Variants in SLC44A5 observed in about 807,000 individuals in gnomAD.
SLC44A5 encodes choline transporter-like protein 5.
In SLC44A5, 57 loss-of-function variants were observed where a neutral mutation model predicts 101.8. The observed-to-expected ratio is 0.56, with a 90% CI of 0.45 to 0.70. SLC44A5 has a LOEUF of 0.70. SLC44A5 is among the 30% of genes least tolerant of loss of function. The probability of loss-of-function intolerance (pLI) is 0.00; values close to 1 mark genes in which losing one functional copy is unlikely to be tolerated. For missense variants in SLC44A5, 737 were observed against 853.1 expected, an observed-to-expected ratio of 0.86 and a Z score of 1.70; for synonymous variants, 281 against 290.9, an observed-to-expected ratio of 0.97 and a Z score of 0.35.
In SLC44A5 at chr1:75,218,666, C is replaced by G; in HGVS notation, c.1353G>C (p.Gln451His). ...TGTATACATGGAAGGTAGGGATGTA[C>G]TGATGGTACAAGCTCTTTCCACCAT... ...AFYGGKSLYH[Q>H]YIPTFHVYNL... The change falls in exon 17 of 24, where the codon CAG becomes CAC. Residue 451 changes from glutamine (Q) to histidine (H), a missense_variant. This residue lies in a region of SLC44A5 where 665 missense variants were observed against 764.4 expected (regional missense o/e 0.87). Coordinates refer to ENST00000370859, the MANE Select transcript of SLC44A5 (RefSeq NM_001130058.2). 1 of 1,613,750 alleles carries G rather than the reference C, an allele frequency of 6.2e-7. No individual in the cohort carries two copies.
intron 5 of SLC44A5, among the ~76,000 whole-genome samples, chr1:75,284,545 A>C (rs1186838303): frequency 1.3e-5 from 2 of 152,004 alleles, no homozygotes; most frequent in Non-Finnish European, 2.9e-5. Flanking sequence ...CTAGTACTAC[A>C]TTGAATAGAA....
chr1:75,320,283 A>G (rs1656040329), intron 4 of SLC44A5, among the ~76,000 whole-genome samples: 1 of 152,152 alleles, frequency 6.6e-6, no homozygotes, highest in Non-Finnish European at 1.5e-5. Context: ...AATCCATAAA[A>G]GCAATCAAAG....
intron 2 of SLC44A5, among the ~76,000 whole-genome samples, chr1:75,492,424 G>A (rs1029293282): frequency 6.6e-6 from 1 of 151,702 alleles, no homozygotes; most frequent in Non-Finnish European, 1.5e-5. Context: ...GACAATATCT[G>A]GCAAAAAGGA....
At chr1:75,676,510 A>G in the SLC44A5 span, among the ~76,000 whole-genome samples, 1 of 152,128 alleles carries the variant, frequency 6.6e-6, no homozygotes, top group Non-Finnish European at 1.5e-5. Flanking sequence ...ATAGAAACAT[A>G]GGGTGGAGAA....
chr1:75,284,027 G>A (rs559861170), intron 5 of SLC44A5, among the ~76,000 whole-genome samples: 5 of 151,904 alleles, frequency 3.3e-5, no homozygotes, highest in South Asian at 2.1e-4. Flanking sequence ...TTGTTTTTTC[G>A]ACTTCTGTGA....
intron 2 of SLC44A5, among the ~76,000 whole-genome samples, chr1:75,449,315 A>T (rs1417329998): frequency 6.6e-6 from 1 of 152,204 alleles, no homozygotes; most frequent in African/African-American, 2.4e-5. Context: ...AGCTTTAGAC[A>T]TTCATGAGAC....
At chr1:75,387,350 A>T (rs1364217047) in intron 3 of SLC44A5, among the ~76,000 whole-genome samples, 1 of 139,404 alleles carries the variant, frequency 7.2e-6, no homozygotes, top group South Asian at 2.5e-4. Context: ...CAATGAACTC[A>T]AACAAATTTA....
the SLC44A5 span, among the ~76,000 whole-genome samples, chr1:75,622,729 T>C: frequency 2.0e-5 from 3 of 152,114 alleles, no homozygotes; most frequent in Non-Finnish European, 2.9e-5. Context: ...ACAACTAGAA[T>C]TGGTTTCTTT....
At chr1:75,204,009 G>A (rs893193130) in intron 23 of SLC44A5, among the ~76,000 whole-genome samples, 176 bp from the exon 24 acceptor site, 3 of 151,878 alleles carry the variant, frequency 2.0e-5, no homozygotes, top group African/African-American at 4.8e-5. Context: ...ATAGTTATGC[G>A]AAAACAATAA....
the SLC44A5 span, among the ~76,000 whole-genome samples, chr1:75,717,153 T>C: frequency 1.1e-4 from 17 of 152,006 alleles, no homozygotes; most frequent in Non-Finnish European, 1.8e-4. Flanking sequence ...TCAAGGTCAT[T>C]ATTCTAAGCG....
chr1:75,699,839 AG>A, the SLC44A5 span, among the ~76,000 whole-genome samples: 2 of 152,160 alleles, frequency 1.3e-5, no homozygotes, highest in Non-Finnish European at 2.9e-5. Context: ...AAACAAAAAA[AG>A]GCAGGGGTTG....
At chr1:75,274,800 T>G (rs532289109) in intron 6 of SLC44A5, among the ~76,000 whole-genome samples, 158 bp downstream of exon 6, 12 of 152,306 alleles carry the variant, frequency 7.9e-5, no homozygotes, top group African/African-American at 2.6e-4. Context: ...ATATAAAACT[T>G]CCCAACTGCT....
intron 23 of SLC44A5, 118 bp from the exon 24 acceptor site, chr1:75,203,951 G>T (rs72682004): frequency 6.4e-4 from 295 of 464,046 alleles, no homozygotes; most frequent in Non-Finnish European, 8.2e-4. Flanking sequence ...TTTTTTTTTT[G>T]TTGTTGTTTT....
chr1:75,355,928 C>A (rs188385868), intron 3 of SLC44A5, among the ~76,000 whole-genome samples: 92 of 152,002 alleles, frequency 6.1e-4, no homozygotes, highest in African/African-American at 2.2e-3. Context: ...GTATTCTGGG[C>A]CTCTTGAAGT....
At chr1:75,639,857 A>G in the SLC44A5 span, among the ~76,000 whole-genome samples, 1 of 152,024 alleles carries the variant, frequency 6.6e-6, no homozygotes, top group Non-Finnish European at 1.5e-5. Flanking sequence ...ATGATGAGAT[A>G]AGGGGGTAGT....
intron 10 of SLC44A5, among the ~76,000 whole-genome samples, chr1:75,237,951 C>T (rs546414840): frequency 3.1e-4 from 47 of 152,014 alleles, no homozygotes; most frequent in African/African-American, 9.4e-4. Flanking sequence ...TGTGTGTATG[C>T]GTGCACACAG....
intron 2 of SLC44A5, among the ~76,000 whole-genome samples, chr1:75,430,888 T>C (rs1174669432): frequency 6.6e-6 from 1 of 152,204 alleles, no homozygotes; most frequent in Non-Finnish European, 1.5e-5. Flanking sequence ...CTCTCTACTA[T>C]TCCCCACCAC....
intron 2 of SLC44A5, among the ~76,000 whole-genome samples, chr1:75,448,932 C>T (rs1334559787): frequency 2.0e-5 from 3 of 152,096 alleles, no homozygotes; most frequent in African/African-American, 7.2e-5. Context: ...CTCTCCACTC[C>T]ACTCCCACTC....
chr1:75,681,436 T>C, the SLC44A5 span, among the ~76,000 whole-genome samples: 98 of 151,634 alleles, frequency 6.5e-4, 1 homozygote, highest in Middle Eastern at 0.01. Flanking sequence ...ATCCCTGGGA[T>C]GCAAGGCTGG....
Sources: allele counts gnomAD v4.1 joint callset (sites outside exome capture counted in the v4.1 genomes callset), GRCh38; gene constraint gnomAD v4.1.1; regional missense constraint gnomAD v4.1.1; transcripts MANE v1.5; gene names NCBI Gene and HGNC (gene_info 2026-07-23, HGNC 2026-07-21).